The following MROH2B variants were observed in gnomAD, a reference collection of about 807,000 sequenced individuals.
MROH2B encodes maestro heat-like repeat-containing protein family member 2B.
In MROH2B, 177 loss-of-function variants were observed where a neutral mutation model predicts 208.6. That is an observed-to-expected ratio of 0.85 (90% CI 0.75 to 0.96). The LOEUF (loss-of-function observed/expected upper bound fraction) is 0.96. Among genes scored for constraint, MROH2B ranks in the 40% least tolerant of loss-of-function variants. MROH2B has a pLI of 0.00. For missense variants in MROH2B, 2,002 were observed against 1,878.7 expected (o/e 1.07, Z -1.21); for synonymous variants, 728 against 659.0 (o/e 1.10, Z -1.60).
chr5:41,058,026 G>T, intron 7 of MROH2B, 37 bp downstream of exon 7: 1 of 1,447,026 alleles, frequency 6.9e-7, no homozygotes, highest in Non-Finnish European at 9.2e-7. Context: ...TTGCATGCGG[G>T]TTCTCTGATT....
chr5:41,009,387 T>A lies in MROH2B; in HGVS notation c.3313A>T (p.Lys1105Ter). Reference sequence around the variant, plus strand: ...GAGGCTGGCTTTTCAGCCAGCGCCTTCCACAATGTCTTTGTGTCCCTAGGG... The same window carrying A: ...GAGGCTGGCTTTTCAGCCAGCGCCTACCACAATGTCTTTGTGTCCCTAGGG... ...PFDRDTKTLW[K>*]ALAEKPASSG... Residue 1105 changes from lysine (K) to a stop codon, truncating the protein, a stop_gained, in exon 32 of 42, where the codon AAG becomes TAG. Coordinates refer to ENST00000399564, the MANE Select transcript of MROH2B (RefSeq NM_173489.5). LOFTEE classifies it high-confidence loss of function. 1 of 1,613,858 alleles carries A rather than the reference T, an allele frequency of 6.2e-7. No homozygotes were observed. The highest frequency in any genetic ancestry group is 8.5e-7 in the Non-Finnish European group (1 of 1,179,800).
At chr5:41,010,851 G>T (rs1414096578) in intron 30 of MROH2B, among the ~76,000 whole-genome samples, 2 of 152,180 alleles carry the variant, frequency 1.3e-5, no homozygotes, top group Non-Finnish European at 2.9e-5. Flanking sequence ...GATATTGACA[G>T]TCGGGAGGCT....
intron 24 of MROH2B, among the ~76,000 whole-genome samples, chr5:41,022,830 G>A (rs754974042): frequency 5.3e-5 from 8 of 152,108 alleles, no homozygotes; most frequent in Admixed American, 1.3e-4. Flanking sequence ...GATCAGGTAC[G>A]CCTCTGAGAC....
At chr5:41,006,887 A>T (rs936534792) in intron 34 of MROH2B, among the ~76,000 whole-genome samples, 16 of 151,972 alleles carry the variant, frequency 1.1e-4, no homozygotes, top group Non-Finnish European at 2.2e-4. Context: ...TGCAGTGTAC[A>T]CTCCTCAGGT....
chr5:41,018,115 C>T (rs66881546), intron 27 of MROH2B, 145 bp from the exon 28 acceptor site: 132,322 of 1,230,198 alleles, frequency 0.11, 7,781 homozygotes, highest in African/African-American at 0.16. Context: ...CTAAAAGATG[C>T]CTATTTTTAA....
intron 28 of MROH2B, among the ~76,000 whole-genome samples, chr5:41,016,368 G>A (rs1010280403): frequency 6.6e-6 from 1 of 151,978 alleles, no homozygotes; most frequent in African/African-American, 2.4e-5. Flanking sequence ...AAGAGTGTTT[G>A]AGGACCTGAA....
intron 21 of MROH2B, among the ~76,000 whole-genome samples, chr5:41,035,512 T>C (rs1302603910): frequency 6.6e-6 from 1 of 151,900 alleles, no homozygotes; most frequent in Admixed American, 6.6e-5. Context: ...CAAAAGAAAA[T>C]ACCAACAGAG....
intron 18 of MROH2B, among the ~76,000 whole-genome samples, chr5:41,045,294 C>T (rs76329915): frequency 0.015 from 2,304 of 152,248 alleles, 62 homozygotes; most frequent in African/African-American, 0.053. Flanking sequence ...TTTCTTTGGG[C>T]GCCCTTTCCT....
chr5:41,021,266 A>G (rs577665336), intron 24 of MROH2B, among the ~76,000 whole-genome samples: 6 of 152,348 alleles, frequency 3.9e-5, no homozygotes, highest in African/African-American at 1.2e-4. Context: ...AACACACTAA[A>G]CATTGTTGAA....
intron 3 of MROH2B, 82 bp downstream of exon 3, chr5:41,067,026 A>G: frequency 1.3e-6 from 1 of 752,260 alleles, no homozygotes; most frequent in Non-Finnish European, 2.3e-6. Flanking sequence ...TCCTGGCAAC[A>G]GTGTAGAAGA....
intron 29 of MROH2B, among the ~76,000 whole-genome samples, chr5:41,014,214 A>G (rs1436594538): frequency 6.6e-6 from 1 of 152,198 alleles, no homozygotes; most frequent in East Asian, 1.9e-4. Flanking sequence ...TAATGTCTAC[A>G]TTATGAATGA....
At chr5:41,008,276 C>A (rs539706922) in intron 33 of MROH2B, among the ~76,000 whole-genome samples, 16 of 151,912 alleles carry the variant, frequency 1.1e-4, no homozygotes, top group East Asian at 3.9e-4. Context: ...TTTTATTTTT[C>A]TTTTTTCCCT....
chr5:41,065,265 A>G (rs1743765772), intron 4 of MROH2B, 66 bp downstream of exon 4: 8 of 1,482,508 alleles, frequency 5.4e-6, no homozygotes, highest in Non-Finnish European at 1.8e-6. Context: ...GTTTGCTCCC[A>G]TTTAGCTTTT....
intron 28 of MROH2B, 49 bp from the exon 29 acceptor site, chr5:41,015,527 G>A: frequency 6.6e-7 from 1 of 1,525,442 alleles, no homozygotes; most frequent in South Asian, 1.2e-5. Flanking sequence ...GACCTGATAG[G>A]GGTTGAAGAG....
At chr5:41,069,998 C>T (rs911540355) in intron 1 of MROH2B, among the ~76,000 whole-genome samples, 1 of 152,100 alleles carries the variant, frequency 6.6e-6, no homozygotes, top group African/African-American at 2.4e-5. Flanking sequence ...TAAAAGATGC[C>T]GGATTCCTAT....
chr5:41,009,429 T>C (rs755379179), intron 31 of MROH2B, 23 bp from the exon 32 acceptor site: 1 of 1,611,672 alleles, frequency 6.2e-7, no homozygotes, highest in South Asian at 1.1e-5. Flanking sequence ...AGCAGGAAAT[T>C]GGTAGATAAG....
At chr5:41,006,490 T>C (rs1182961338) in intron 34 of MROH2B, among the ~76,000 whole-genome samples, 1 of 152,190 alleles carries the variant, frequency 6.6e-6, no homozygotes, top group Non-Finnish European at 1.5e-5. Context: ...ACTAGGTATC[T>C]ACCCAGAGGA....
At chr5:41,061,486 C>T (rs1743635933) in intron 6 of MROH2B, 84 bp downstream of exon 6, 2 of 1,225,864 alleles carry the variant, frequency 1.6e-6, no homozygotes, top group Non-Finnish European at 2.2e-6. Context: ...AAATACTGAG[C>T]CTAATTATCA....
intron 34 of MROH2B, 60 bp from the exon 35 acceptor site, chr5:41,005,705 CTGTT>C: frequency 1.5e-6 from 2 of 1,355,502 alleles, no homozygotes; most frequent in South Asian, 1.3e-5. Context: ...AAATCTTAGT[CTGTT>C]TGTTCATCAG....
Sources: allele counts gnomAD v4.1 joint callset (sites outside exome capture counted in the v4.1 genomes callset), GRCh38; gene constraint gnomAD v4.1.1; transcripts MANE v1.5; gene names NCBI Gene and HGNC (gene_info 2026-07-23, HGNC 2026-07-21).